The following STK32B variants were observed in gnomAD, a reference collection of about 807,000 sequenced individuals.
STK32B encodes the protein serine/threonine-protein kinase 32B.
In STK32B, 43 loss-of-function variants were observed where a neutral mutation model predicts 52.6. The ratio of observed to expected loss-of-function variants is 0.82; its 90% CI spans 0.64 to 1.05. The LOEUF is 1.05. Among genes scored for constraint, STK32B ranks in the 50% least tolerant of loss-of-function variants. STK32B has a pLI of 0.00. For synonymous variants in STK32B, 238 were observed against 204.3 expected (o/e 1.17, Z -1.41); for missense variants, 621 against 534.6 (o/e 1.16, Z -1.59).
chr4:5,225,050 A>G (rs1723775584), intron 3 of STK32B, among the ~76,000 whole-genome samples: 1 of 152,206 alleles, frequency 6.6e-6, no homozygotes, highest in Non-Finnish European at 1.5e-5. Flanking sequence ...AGGACCTCTT[A>G]TGCTGTTAAA....
rs1712204976 is a variant in STK32B at position 5,416,853 on chromosome 4, C to T, written c.481C>T (p.His161Tyr). 1 of 1,613,672 alleles carries T rather than the reference C, an allele frequency of 6.2e-7. No homozygotes were observed. Among genetic ancestry groups the T allele is most frequent in the Non-Finnish European group, 8.5e-7 (1 of 1,179,804 alleles). Residue 161 changes from histidine to tyrosine, a missense_variant, in exon 6 of 12, where the codon CAC becomes TAC. Coordinates refer to ENST00000282908, the MANE Select transcript of STK32B (RefSeq NM_018401.3). ...TGTTTCTGTATTTGCAGGACATGTT[C>T]ACATTACAGACTTCAACATAGCGAC... ...NILLDEHGHV[H>Y]ITDFNIATVV... is the part of the protein sequence containing the mutation.
At chr4:5,389,124 C>T (rs1309966040) in intron 4 of STK32B, among the ~76,000 whole-genome samples, 2 of 152,232 alleles carry the variant, frequency 1.3e-5, no homozygotes, top group African/African-American at 4.8e-5. Context: ...GACAGAACTA[C>T]ATTATTAGGC....
chr4:5,262,933 T>A (rs1265530543), intron 3 of STK32B, among the ~76,000 whole-genome samples: 1 of 152,140 alleles, frequency 6.6e-6, no homozygotes, highest in Non-Finnish European at 1.5e-5. Context: ...TTGAGTTGGG[T>A]AACACCCACA....
intron 4 of STK32B, among the ~76,000 whole-genome samples, chr4:5,357,030 CACACACACACATATAT>C (rs1251501091): frequency 3.5e-4 from 53 of 149,392 alleles, no homozygotes; most frequent in South Asian, 1.5e-3. Flanking sequence ...TATACACACA[CACACACACACATATAT>C]ACACACACAC....
chr4:5,114,345 C>A (rs930231308), intron 1 of STK32B, among the ~76,000 whole-genome samples: 5 of 151,996 alleles, frequency 3.3e-5, no homozygotes, highest in Non-Finnish European at 5.9e-5. Flanking sequence ...AGGAACCTTC[C>A]TGGACCCAGA....
At chr4:5,464,199 C>T (rs1424319767) in intron 9 of STK32B, among the ~76,000 whole-genome samples, 1 of 152,206 alleles carries the variant, frequency 6.6e-6, no homozygotes, top group Non-Finnish European at 1.5e-5. Context: ...ATGAGGGATC[C>T]GTCCCCATGA....
At chr4:5,168,715 C>T (rs1016490614) in intron 3 of STK32B, among the ~76,000 whole-genome samples, 4 of 152,118 alleles carry the variant, frequency 2.6e-5, no homozygotes, top group East Asian at 1.9e-4. Context: ...TGAGAAGATA[C>T]GTGGAACGTT....
At chr4:5,048,225 G>C (rs1741654810), upstream of STK32B, among the ~76,000 whole-genome samples, 1 of 151,714 alleles carries the variant, frequency 6.6e-6, no homozygotes, top group African/African-American at 2.4e-5. Context: ...CACCTCCCAG[G>C]TTCAAGACAT....
intron 1 of STK32B, among the ~76,000 whole-genome samples, chr4:5,057,565 G>A (rs1164246158): frequency 2.0e-5 from 3 of 152,212 alleles, no homozygotes; most frequent in Admixed American, 6.5e-5. Context: ...AAGGGGCCTA[G>A]AGCTTGGGGG....
intron 3 of STK32B, among the ~76,000 whole-genome samples, chr4:5,287,297 G>A (rs1474385734): frequency 6.6e-6 from 1 of 152,010 alleles, no homozygotes; most frequent in African/African-American, 2.4e-5. Context: ...TCTTTCTTTA[G>A]CCATTTTCTT....
chr4:5,440,881 A>G lies in STK32B; in HGVS notation c.563-5792A>G, dbSNP rs13149293. Among the ~76,000 whole-genome samples the G allele has an allele frequency of 9.0e-3, 1,350 of 149,966 alleles. 13 individuals are homozygous for G. Among genetic ancestry groups the G allele is most frequent in the Non-Finnish European group, 0.012 (813 of 67,684 alleles). ...AGATAATCATGTGGTTTTTGTCTTTAGTTCTGTTTATATGCTGGATTACAT... is the reference window on the plus strand; with the variant it reads ...AGATAATCATGTGGTTTTTGTCTTTGGTTCTGTTTATATGCTGGATTACAT... On this transcript the variant is annotated intron_variant, in intron 6 of 11. Coordinates refer to ENST00000282908, the MANE Select transcript of STK32B (RefSeq NM_018401.3).
intron 4 of STK32B, among the ~76,000 whole-genome samples, chr4:5,383,203 T>A (rs1736040192): frequency 6.6e-6 from 1 of 152,004 alleles, no homozygotes; most frequent in Non-Finnish European, 1.5e-5. Flanking sequence ...TTTCAGCTGA[T>A]CTGTGCCCAC....
At chr4:5,024,590 G>C in the STK32B span, among the ~76,000 whole-genome samples, 1 of 152,218 alleles carries the variant, frequency 6.6e-6, no homozygotes, top group Admixed American at 6.5e-5. Flanking sequence ...ACTGAAGAAA[G>C]TCCTGAGCTT....
At chr4:5,041,807 T>C in the STK32B span, among the ~76,000 whole-genome samples, 2 of 151,572 alleles carry the variant, frequency 1.3e-5, no homozygotes, top group African/African-American at 4.8e-5. Context: ...CCTTTATCTT[T>C]TTTTTTTTCT....
At chr4:5,422,967 C>T (rs1052070009) in intron 6 of STK32B, among the ~76,000 whole-genome samples, 1 of 152,068 alleles carries the variant, frequency 6.6e-6, no homozygotes, top group African/African-American at 2.4e-5. Flanking sequence ...AGTGAAGCAC[C>T]ATTGTGTGAA....
At position 5,418,817 on chromosome 4, in the gene STK32B, A is replaced by G. The variant is rs538823420; in HGVS notation, c.562+1883A>G. 3.1e-4 allele frequency among the ~76,000 whole-genome samples: 47 copies of G among 152,352 alleles called. No homozygotes were observed. In the Middle Eastern group the frequency reaches 0.01, roughly 33 times the overall value. On this transcript the variant is annotated intron_variant, in intron 6 of 11. Coordinates refer to ENST00000282908, the MANE Select transcript of STK32B (RefSeq NM_018401.3). ...ACCAAAATCTTTCTTCCCTGACCGC[A>G]TAAACAGTGCCTAAAACCGCCTGGA...
chr4:5,363,543 C>T (rs983897549), intron 4 of STK32B, among the ~76,000 whole-genome samples: 6 of 152,146 alleles, frequency 3.9e-5, no homozygotes, highest in African/African-American at 1.4e-4. Flanking sequence ...GTTACTAAGC[C>T]TGACATTGCT....
In STK32B at chr4:5,394,707, A is replaced by C. The variant is rs1736774880; in HGVS notation, c.435-3500A>C. Among the ~76,000 whole-genome samples, 1 of 152,180 alleles carries C rather than the reference A, an allele frequency of 6.6e-6. No homozygotes were observed. Among genetic ancestry groups the C allele is most frequent in the Non-Finnish European group, 1.5e-5 (1 of 68,038 alleles). On this transcript the variant is annotated intron_variant, in intron 4 of 11. Coordinates refer to ENST00000282908, the MANE Select transcript of STK32B (RefSeq NM_018401.3). The surrounding 1 kb of genome is among the most constrained non-coding windows in gnomAD (Gnocchi z 4.2). ...TCCACACTGCACTGGGACTGTGTGAAGTGCTGAACAAATGTCATCTCATTG... is the reference window on the plus strand; with the variant it reads ...TCCACACTGCACTGGGACTGTGTGACGTGCTGAACAAATGTCATCTCATTG...
chr4:5,331,788 C>A (rs1399037207), intron 4 of STK32B, among the ~76,000 whole-genome samples: 1 of 152,092 alleles, frequency 6.6e-6, no homozygotes, highest in African/African-American at 2.4e-5. Flanking sequence ...TGCTGTGCAT[C>A]GTGGAGGATT....
Sources: allele counts gnomAD v4.1 joint callset (sites outside exome capture counted in the v4.1 genomes callset), GRCh38; gene constraint gnomAD v4.1.1; non-coding constraint Gnocchi (gnomAD v3.1); transcripts MANE v1.5; gene names NCBI Gene and HGNC (gene_info 2026-07-23, HGNC 2026-07-21).